The following FMO4 variants were observed in gnomAD, a reference collection of about 807,000 sequenced individuals.
The protein encoded by FMO4 is dimethylaniline monooxygenase [N-oxide-forming] 4.
A neutral mutation model predicts 43.3 loss-of-function variants in FMO4; 38 were observed. The ratio of observed to expected loss-of-function variants is 0.88; its 90% CI spans 0.68 to 1.15. The LOEUF (loss-of-function observed/expected upper bound fraction) is 1.15, where lower values mean the gene tolerates loss of function less well. Ranked by LOEUF, FMO4 falls within the 50% of genes most tolerant of loss-of-function variation. The pLI is 0.00. For synonymous variants in FMO4, 224 were observed against 232.2 expected (o/e 0.96, Z 0.32); for missense variants, 631 against 663.3 (o/e 0.95, Z 0.54).
At chr1:171,335,213 A>G (rs1461824019) in intron 8 of FMO4, among the ~76,000 whole-genome samples, 2 of 152,230 alleles carry the variant, frequency 1.3e-5, no homozygotes, top group African/African-American at 2.4e-5. Flanking sequence ...TCAATTATGC[A>G]ATAAGAGCAT....
chr1:171,326,811 C>G (rs2101889917), intron 5 of FMO4, among the ~76,000 whole-genome samples: 1 of 152,286 alleles, frequency 6.6e-6, no homozygotes, highest in East Asian at 1.9e-4. Context: ...ATTTCAATGC[C>G]TCTCTGGGCG....
At chr1:171,331,851 A>C in intron 6 of FMO4, 69 bp downstream of exon 6, 3 of 1,435,852 alleles carry the variant, frequency 2.1e-6, no homozygotes, top group Non-Finnish European at 2.0e-6. Context: ...AGATATTCAA[A>C]ACTATGAAGT....
intron 8 of FMO4, among the ~76,000 whole-genome samples, chr1:171,336,797 C>T (rs1663135054): frequency 6.6e-6 from 1 of 151,970 alleles, no homozygotes; most frequent in Non-Finnish European, 1.5e-5. Context: ...GAAAGAATAT[C>T]TTGCTATGTT....
intron 5 of FMO4, among the ~76,000 whole-genome samples, chr1:171,325,084 G>C (rs1662602625): frequency 6.6e-6 from 1 of 152,102 alleles, no homozygotes. Context: ...ACTTCAGCCG[G>C]GGCCACAGAG....
chr1:171,324,210 G>A lies in FMO4; in HGVS notation c.394G>A (p.Glu132Lys). Residue 132 changes from glutamate to lysine, a missense_variant, in exon 5 of 10, where the codon GAG (glutamate) becomes AAG (lysine). Coordinates refer to ENST00000367749, the MANE Select transcript of FMO4 (RefSeq NM_002022.3). ...TGQWDVVTET[E>K]GKQNRAVFDA... ...TCAGTGGGATGTTGTCACAGAGACAGAGGGCAAGCAAAATAGAGCTGTCTT... is the reference window on the plus strand; with the variant it reads ...TCAGTGGGATGTTGTCACAGAGACAAAGGGCAAGCAAAATAGAGCTGTCTT... 6.2e-7 allele frequency: 1 copy of A among 1,613,902 alleles called. No individual in the cohort carries two copies. Among genetic ancestry groups the A allele is most frequent in the Non-Finnish European group, 8.5e-7 (1 of 1,179,834 alleles).
intron 2 of FMO4, among the ~76,000 whole-genome samples, chr1:171,316,938 G>C (rs556022940): frequency 6.6e-6 from 1 of 152,222 alleles, no homozygotes; most frequent in African/African-American, 2.4e-5. Flanking sequence ...TGTGCCTGGG[G>C]CTTCTGATCT....
At chr1:171,329,871 GT>G (rs1662825362) in intron 5 of FMO4, among the ~76,000 whole-genome samples, 3 of 152,294 alleles carry the variant, frequency 2.0e-5, no homozygotes, top group African/African-American at 7.2e-5. Context: ...GGGAACTATT[GT>G]TTACTGTCCA....
In FMO4 at chr1:171,332,820, C is replaced by G. The variant is rs747660192; in HGVS notation, c.739C>G (p.Leu247Val). The G allele has an allele frequency of 1.2e-6, 2 of 1,613,234 alleles. No homozygotes were observed. The highest frequency in any genetic ancestry group is 4.5e-5 in the East Asian group (2 of 44,802). Residue 247 changes from leucine to valine, a missense_variant, in exon 7 of 10, where the codon CTG becomes GTG. Physicochemically the swap from Leu to Val is conservative, Grantham distance 32 (BLOSUM62 1). Transcript: ENST00000367749. ...RRCCSFIAQV[L>V]PSRFLNWIQE... is the part of the protein sequence containing the mutation. ...ATGCTGTAGTTTTATTGCACAAGTT[C>G]TGCCTTCACGTTTTCTAAACTGGAT...
intron 3 of FMO4, among the ~76,000 whole-genome samples, chr1:171,320,456 CT>C (rs1662368519): frequency 6.6e-6 from 1 of 152,140 alleles, no homozygotes; most frequent in Admixed American, 6.5e-5. Flanking sequence ...GGAGGGTTCC[CT>C]GTCACATTTT....
intron 2 of FMO4, among the ~76,000 whole-genome samples, chr1:171,317,821 C>T (rs978006959): frequency 1.3e-5 from 2 of 152,130 alleles, no homozygotes; most frequent in African/African-American, 4.8e-5. Flanking sequence ...CAAGGCATGA[C>T]CGTGACCAGC....
rs143163050 is a variant in FMO4 at position 171,338,223 on chromosome 1, C to T, written c.1250+798C>T. The stretch of plus-strand genomic sequence containing the variant: ...ACCAAATAAATCCAGAATTCAGACA[C>T]TTCTCACTGCCCCTACTGCTACCAT... On this transcript the variant is annotated intron_variant, in intron 9 of 9. Transcript: ENST00000367749. Among the ~76,000 whole-genome samples, 42 of 152,248 alleles carry T rather than the reference C, an allele frequency of 2.8e-4. No individual in the cohort carries two copies. The East Asian group carries it at 7.7e-3, about 28-fold the overall frequency.
intron 1 of FMO4, among the ~76,000 whole-genome samples, chr1:171,314,712 A>G (rs751471944): frequency 2.0e-5 from 3 of 152,176 alleles, no homozygotes; most frequent in Non-Finnish European, 2.9e-5. Flanking sequence ...TATGAATGAG[A>G]TGGAAATGCC....
In FMO4 at chr1:171,341,524, T is replaced by C; in HGVS notation, c.1362T>C (p.Asp454=). Residue 454 remains aspartate (D), a synonymous_variant, in exon 10 of 10, where the codon GAT becomes GAC. Transcript: ENST00000367749. ...GCATCCCACTTCTGTTCCTCAAGGA[T>C]CCCAGACTAGCTTGGGAAGTTTTCT... ...KPSIPLLFLK[D]PRLAWEVFFG... 6.2e-7 allele frequency: 1 copy of C among 1,614,046 alleles called. No individual in the cohort carries two copies. The highest frequency in any genetic ancestry group is 1.1e-5 in the South Asian group (1 of 91,072).
rs1553252107 is a variant in FMO4, at chr1:171,323,036, T to G, written c.165T>G (p.Tyr55Ter). The G allele has an allele frequency of 1.9e-6, 3 of 1,613,470 alleles. No individual in the cohort carries two copies. The South Asian group carries it at 3.3e-5, about 18-fold the overall frequency. Reference protein sequence around the residue: ...ESSKDGMTRVYKSLVTNVCKE... With the variant: ...ESSKDGMTRV ...CCAAAGATGGGATGACCAGGGTCTA[T>G]AAGTCATTAGTGACAAATGTCTGTA... is the stretch of plus-strand genomic sequence containing the variant. The change falls in exon 4 of 10, where the codon TAT (tyrosine) becomes TAG (stop). Residue 55 changes from tyrosine (Y) to a stop codon, truncating the protein, a stop_gained. Coordinates refer to ENST00000367749, the MANE Select transcript of FMO4 (RefSeq NM_002022.3). LOFTEE classifies it high-confidence loss of function.
In FMO4 at chr1:171,337,373, C is replaced by G; in HGVS notation, c.1198C>G (p.Pro400Ala). Residue 400 changes from proline to alanine, a missense_variant, in exon 9 of 10, where the codon CCA becomes GCA. Physicochemically the swap from Pro to Ala is conservative, Grantham distance 27. Coordinates refer to ENST00000367749, the MANE Select transcript of FMO4 (RefSeq NM_002022.3). ...RVFKGLCKIPPSQKLMMEATE... is the reference protein window; with the variant it reads ...RVFKGLCKIPASQKLMMEATE... ...TCCCACAGGACTCTGTAAGATACCT[C>G]CATCCCAAAAATTGATGATGGAGGC... is the stretch of plus-strand genomic sequence containing the variant. The G allele has an allele frequency of 1.2e-6, 2 of 1,611,840 alleles. No homozygotes were observed. The highest frequency in any genetic ancestry group is 1.7e-6 in the Non-Finnish European group (2 of 1,178,060).
At chr1:171,333,412 C>G (rs1662983700) in intron 7 of FMO4, among the ~76,000 whole-genome samples, 1 of 151,902 alleles carries the variant, frequency 6.6e-6, no homozygotes, top group African/African-American at 2.4e-5. Context: ...TTAGTAGAGA[C>G]AGTGTTTCAC....
At chr1:171,332,953 T>C in intron 7 of FMO4, 45 bp downstream of exon 7, 1 of 893,566 alleles carries the variant, frequency 1.1e-6, no homozygotes, top group Non-Finnish European at 1.8e-6. Context: ...AAATCAATAT[T>C]TATCATTACA....
intron 8 of FMO4, 107 bp from the exon 9 acceptor site, chr1:171,337,249 T>C (rs1663157613): frequency 2.6e-6 from 2 of 779,036 alleles, no homozygotes; most frequent in Non-Finnish European, 2.3e-6. Flanking sequence ...TTGACTATCA[T>C]GTGCTCTGAA....
In FMO4 at chr1:171,331,714, G is replaced by A. The variant is rs200809129; in HGVS notation, c.559G>A (p.Val187Ile). 1.6e-4 allele frequency: 260 copies of A among 1,613,858 alleles called. 1 individual carries two copies. Among genetic ancestry groups the A allele is most frequent in the East Asian group, 2.7e-4 (12 of 44,882 alleles). The change falls in exon 6 of 10, where the codon GTC becomes ATC. Residue 187 changes from valine to isoleucine, a missense_variant. Coordinates refer to ENST00000367749, the MANE Select transcript of FMO4 (RefSeq NM_002022.3). ...CCCAGAAGGCTTTCAGGGCAAACGC[G>A]TCTTGGTGATTGGTCTTGGGAACAC... ...KIPEGFQGKRVLVIGLGNTGG... is the reference protein window; with the variant it reads ...KIPEGFQGKRILVIGLGNTGG...
Sources: allele counts gnomAD v4.1 joint callset (sites outside exome capture counted in the v4.1 genomes callset), GRCh38; gene constraint gnomAD v4.1.1; transcripts MANE v1.5; gene names NCBI Gene and HGNC (gene_info 2026-07-23, HGNC 2026-07-21).